The following NOTCH2 variants were observed in gnomAD, a reference collection of about 807,000 sequenced individuals.
The protein encoded by NOTCH2 is neurogenic locus notch homolog protein 2.
NOTCH2 carries 29 observed loss-of-function variants against 235.8 expected under a neutral mutation model. The ratio of observed to expected loss-of-function variants is 0.12; its 90% CI spans 0.09 to 0.17. NOTCH2 has a LOEUF of 0.17. Ranked by LOEUF, NOTCH2 falls within the 10% of genes least tolerant of loss-of-function variation. NOTCH2 has a pLI of 1.00. For synonymous variants in NOTCH2, 1,086 were observed against 1,141.5 expected, an observed-to-expected ratio of 0.95 and a Z score of 0.98; for missense variants, 2,285 against 3,150.2, an observed-to-expected ratio of 0.73 and a Z score of 6.57.
At position 119,950,795 on chromosome 1, in the gene NOTCH2, G is replaced by T; in HGVS notation, c.2408C>A (p.Pro803Gln). ...AAAGCAGGTTCCTTGGTTCAGGCAT[G>T]GATTTGAGGCACATTCATCAATATT... ...QVNIDECASN[P>Q]CLNQGTCFDD... Residue 803 changes from proline to glutamine, a missense_variant, in exon 15 of 34, where the codon CCA (proline) becomes CAA (glutamine). Physicochemically the swap from Pro to Gln is moderately conservative, Grantham distance 76. Transcript: ENST00000256646. 4 of 1,614,112 alleles carry T rather than the reference G, an allele frequency of 2.5e-6. No individual in the cohort carries two copies. The South Asian group carries it at 4.4e-5, about 18-fold the overall frequency.
At chr1:119,936,459 G>T (rs113223145) in intron 21 of NOTCH2, among the ~76,000 whole-genome samples, 1 of 152,060 alleles carries the variant, frequency 6.6e-6, no homozygotes, top group East Asian at 1.9e-4. Context: ...GCTATGCAAA[G>T]CAGGCAAGCT....
intron 1 of NOTCH2, among the ~76,000 whole-genome samples, chr1:120,030,246 C>T (rs1553210783): frequency 1.3e-5 from 2 of 152,002 alleles, no homozygotes; most frequent in African/African-American, 4.8e-5. Context: ...GTTACATCTC[C>T]ATCTCCCAAT....
At chr1:120,031,148 G>A (rs1193618400) in intron 1 of NOTCH2, among the ~76,000 whole-genome samples, 1 of 150,276 alleles carries the variant, frequency 6.7e-6, no homozygotes, top group African/African-American at 2.5e-5. Flanking sequence ...AGATCAGAGA[G>A]ACGCTAGGCC....
chr1:120,002,411 G>A (rs1174883252), intron 3 of NOTCH2, among the ~76,000 whole-genome samples: 96 of 151,294 alleles, frequency 6.3e-4, no homozygotes, highest in Middle Eastern at 6.8e-3. Flanking sequence ...CCATTAGGGC[G>A]TCTCTTAGTA....
chr1:119,946,777 C>T (rs1358110259), intron 17 of NOTCH2, among the ~76,000 whole-genome samples: 1 of 152,056 alleles, frequency 6.6e-6, no homozygotes, highest in African/African-American at 2.4e-5. Flanking sequence ...AGGCTTCTCT[C>T]ACCACTTCTA....
intron 11 of NOTCH2, among the ~76,000 whole-genome samples, chr1:119,961,864 A>G (rs1274781369): frequency 6.6e-6 from 1 of 152,066 alleles, no homozygotes; most frequent in African/African-American, 2.4e-5. Context: ...CAAACTACCA[A>G]CTTAGGCCAT....
At chr1:119,963,180 T>TAGGAAGGAAGGAAGGA (rs71074447) in intron 11 of NOTCH2, among the ~76,000 whole-genome samples, 13,430 of 144,652 alleles carry the variant, frequency 0.093, 891 homozygotes, top group Admixed American at 0.13. Context: ...GGAAGGTAGG[T>TAGGAAGGAAGGAAGGA]AGGAAGGAAG....
At chr1:119,984,362 G>A (rs771546328) in intron 5 of NOTCH2, among the ~76,000 whole-genome samples, 8 of 152,098 alleles carry the variant, frequency 5.3e-5, no homozygotes, top group Non-Finnish European at 1.0e-4. Context: ...ACCACTACGG[G>A]TCTTGGGCAA....
intron 5 of NOTCH2, among the ~76,000 whole-genome samples, chr1:119,977,062 A>T (rs1553201057): frequency 6.6e-6 from 1 of 152,104 alleles, no homozygotes; most frequent in Non-Finnish European, 1.5e-5. Context: ...TTCTCACTAG[A>T]CTGTCAGTGC....
intron 14 of NOTCH2, among the ~76,000 whole-genome samples, chr1:119,952,158 T>C (rs1169506933): frequency 1.3e-5 from 2 of 152,162 alleles, no homozygotes; most frequent in Non-Finnish European, 2.9e-5. Context: ...AAGAGAAAAC[T>C]GATGGTAGAA....
intron 3 of NOTCH2, 76 bp from the exon 4 acceptor site, chr1:119,997,408 T>C (rs1652511116): frequency 7.5e-7 from 1 of 1,328,650 alleles, no homozygotes; most frequent in African/African-American, 1.4e-5. Flanking sequence ...CTCATTGACA[T>C]CAGCGAGCTC....
At chr1:119,988,571 A>G (rs1193000026) in intron 4 of NOTCH2, among the ~76,000 whole-genome samples, 1 of 152,214 alleles carries the variant, frequency 6.6e-6, no homozygotes, top group East Asian at 1.9e-4. Flanking sequence ...GAGCCATTGA[A>G]GCCCACCCCT....
intron 5 of NOTCH2, among the ~76,000 whole-genome samples, chr1:119,986,536 G>C (rs939609375): frequency 6.6e-6 from 1 of 152,174 alleles, no homozygotes; most frequent in East Asian, 1.9e-4. Context: ...AGATGGGACA[G>C]ATCTCTGTCC....
intron 13 of NOTCH2, 55 bp from the exon 14 acceptor site, chr1:119,953,743 T>C (rs1295842798): frequency 1.1e-5 from 16 of 1,472,918 alleles, no homozygotes; most frequent in East Asian, 9.0e-5. Flanking sequence ...GATTGAGTCA[T>C]AGAGTGAAAT....
intron 24 of NOTCH2, 35 bp from the exon 25 acceptor site, chr1:119,925,845 G>C: frequency 1.2e-6 from 2 of 1,612,596 alleles, no homozygotes; most frequent in Middle Eastern, 1.6e-4. Flanking sequence ...AAATGGCATT[G>C]GTAGGAAAAC....
chr1:119,955,846 A>G (rs945621384), intron 12 of NOTCH2, among the ~76,000 whole-genome samples: 3 of 152,240 alleles, frequency 2.0e-5, no homozygotes, highest in Non-Finnish European at 2.9e-5. Context: ...AGAGAAAATA[A>G]TGCAGTCTGT....
At chr1:120,065,033 AG>A (rs1655451734) in intron 1 of NOTCH2, among the ~76,000 whole-genome samples, 1 of 152,250 alleles carries the variant, frequency 6.6e-6, no homozygotes, top group East Asian at 1.9e-4. Flanking sequence ...AGTGAGAGGC[AG>A]GGGGTGGATG....
At chr1:119,959,635 T>C (rs1553198790) in intron 11 of NOTCH2, 133 bp from the exon 12 acceptor site, 1 of 700,668 alleles carries the variant, frequency 1.4e-6, no homozygotes, top group East Asian at 2.7e-5. Context: ...AAAGCAGAAG[T>C]TCTCAAAATG....
At chr1:119,976,451 A>T (rs587682558) in intron 5 of NOTCH2, 11 of 151,354 alleles carry the variant, frequency 7.3e-5, no homozygotes, top group Admixed American at 7.2e-4. Context: ...ATGGTCTGGG[A>T]GTATAGATGT....
Sources: gnomAD v4.1 joint callset for allele counts (sites outside exome capture counted in the v4.1 genomes callset) on GRCh38, gnomAD v4.1.1 for gene constraint, MANE v1.5 for transcripts, NCBI Gene and HGNC (gene_info 2026-07-23, HGNC 2026-07-21) for gene names.